The following ZNF578 variants were observed in gnomAD, a reference collection of about 807,000 sequenced individuals.
The protein encoded by ZNF578 is Putative chemokine-related protein B42.
In ZNF578, 8 loss-of-function variants were observed where a neutral mutation model predicts 8.3. The observed-to-expected ratio is 0.96, with a 90% confidence interval of 0.56 to 1.74. ZNF578 has a LOEUF of 1.74. Among genes scored for constraint, ZNF578 ranks in the 40% most tolerant of loss-of-function variants. The pLI is 0.00. For missense variants in ZNF578, 726 were observed against 707.5 expected (o/e 1.03, Z -0.30); for synonymous variants, 206 against 232.2 (o/e 0.89, Z 1.03).
intron 2 of ZNF578, among the ~76,000 whole-genome samples, chr19:52,486,087 A>G (rs1488939599): frequency 2.0e-5 from 3 of 152,218 alleles, no homozygotes; most frequent in East Asian, 1.9e-4. Context: ...TGTATGTTCT[A>G]TTCACTGAGA....
In ZNF578 at chr19:52,510,738, A is replaced by T; in HGVS notation, c.357A>T (p.Lys119Asn). The change falls in exon 6 of 6, where the codon AAA becomes AAT. Residue 119 changes from lysine to asparagine, a missense_variant. Coordinates refer to ENST00000421239, the MANE Select transcript of ZNF578 (RefSeq NM_001099694.2). ...ATGACTTTGAGTTTCAGTCACAAAA[A>T]GATGAAAGAAATGGCCATGAAGCAT... The part of the protein sequence containing the change: ...DIHDFEFQSQ[K>N]DERNGHEASM... 6.2e-7 allele frequency: 1 copy of T among 1,612,812 alleles called. No individual in the cohort carries two copies. Among genetic ancestry groups the T allele is most frequent in the East Asian group, 2.2e-5 (1 of 44,878 alleles).
At chr19:52,483,690 C>T (rs974641997) in intron 2 of ZNF578, among the ~76,000 whole-genome samples, 1 of 152,126 alleles carries the variant, frequency 6.6e-6, no homozygotes, top group Admixed American at 6.5e-5. Flanking sequence ...TTATATTTTA[C>T]GCACAGTTAA....
intron 3 of ZNF578, among the ~76,000 whole-genome samples, chr19:52,496,324 T>TATTTATTTATTTATTTATTTATTTA (rs1301134040): frequency 2.4e-4 from 29 of 123,310 alleles, no homozygotes; most frequent in Non-Finnish European, 4.6e-4. Context: ...CCTCATTTGT[T>TATTTATTTATTTATTTATTTATTTA]GTTATTTATT....
At chr19:52,487,690 C>G (rs1374361861) in intron 2 of ZNF578, among the ~76,000 whole-genome samples, 1 of 148,960 alleles carries the variant, frequency 6.7e-6, no homozygotes, top group Non-Finnish European at 1.5e-5. Context: ...GAGTGCAGTG[C>G]GTGATCTCCT....
At position 52,514,037 on chromosome 19, in the gene ZNF578, GA is replaced by G. The variant is rs952433624; in HGVS notation, c.*1890del. 6.5e-5 allele frequency among the ~76,000 whole-genome samples: 9 copies of G among 139,034 alleles called. No homozygotes were observed. The highest frequency in any genetic ancestry group is 9.5e-5 in the Non-Finnish European group (6 of 63,016). The allele number at this position is 139,034 out of a possible 152,430, so 91.2% of individuals were successfully genotyped here. ...GAGTCTCCATCTCAAACAAACAAAT[GA>G]AAAAAACAGACATCAAAAATGCTTT... On this transcript the variant is annotated 3_prime_UTR_variant, in exon 6 of 6. Transcript: ENST00000421239.
rs532728975 is a variant in ZNF578 at position 52,512,173 on chromosome 19, A to G, written c.*19A>G. 156 of 1,613,932 alleles carry G rather than the reference A, an allele frequency of 9.7e-5. No individual in the cohort carries two copies. The highest frequency in any genetic ancestry group is 1.3e-4 in the Non-Finnish European group (150 of 1,179,952). On this transcript the variant is annotated 3_prime_UTR_variant, in exon 6 of 6. Transcript: ENST00000421239. ...ATCATAGACTTCATACTGGAGAGAA[A>G]CCTTACAAATGTGAAGCATGTGACA...
chr19:52,473,973 C>G (rs771202327), intron 2 of ZNF578: 1 of 376,546 alleles, frequency 2.7e-6, no homozygotes, highest in Non-Finnish European at 5.3e-6. Context: ...TTACCACATT[C>G]ATTACTTTTG....
intron 2 of ZNF578, among the ~76,000 whole-genome samples, chr19:52,488,875 G>A (rs2059355288): frequency 6.6e-6 from 1 of 152,088 alleles, no homozygotes; most frequent in African/African-American, 2.4e-5. Context: ...GCAAATCACT[G>A]AAGGTCATGA....
Position 52,500,408 on chromosome 19 carries a change from CT to C in ZNF578, c.-19-1403del, listed in dbSNP as rs71180471. On this transcript the variant is annotated intron_variant, in intron 3 of 5. Transcript: ENST00000421239. ...AAATGGTTGCAATCTTTTGAGTTTC[CT>C]TTTTTTTTTTTTTTTGAGATGAAGT... Among the ~76,000 whole-genome samples, 308 of 138,832 alleles carry C rather than the reference CT, an allele frequency of 2.2e-3. 2 individuals carry two copies. In the East Asian group the frequency reaches 0.027, roughly 12 times the overall value. 91.1% of individuals were successfully genotyped at this position (138,832 alleles called of 152,430 possible). A position where few individuals can be genotyped will look rare whatever the true frequency, so the allele number is the denominator to read the frequency against.
chr19:52,485,785 C>A (rs1010556678), intron 2 of ZNF578, among the ~76,000 whole-genome samples: 4 of 152,064 alleles, frequency 2.6e-5, no homozygotes, highest in Non-Finnish European at 5.9e-5. Flanking sequence ...TGTTAAAAGT[C>A]ATCACCACTC....
At chr19:52,488,732 C>T (rs1387121430) in intron 2 of ZNF578, among the ~76,000 whole-genome samples, 2 of 151,194 alleles carry the variant, frequency 1.3e-5, no homozygotes, top group African/African-American at 2.4e-5. Flanking sequence ...TGCAGTGAGC[C>T]GAGATTGCGT....
At chr19:52,460,314 C>CTTTTT (rs35382657) in intron 2 of ZNF578, among the ~76,000 whole-genome samples, 4 of 145,904 alleles carry the variant, frequency 2.7e-5, no homozygotes, top group Non-Finnish European at 3.0e-5. Context: ...CTCTCCAACA[C>CTTTTT]TTTTTTTTTT....
intron 2 of ZNF578, among the ~76,000 whole-genome samples, chr19:52,488,686 AG>A (rs1461642402): frequency 6.6e-6 from 1 of 152,010 alleles, no homozygotes; most frequent in Non-Finnish European, 1.5e-5. Flanking sequence ...CGGGAGGCTG[AG>A]GCAGGAAAAT....
chr19:52,499,235 G>A lies in ZNF578; in HGVS notation c.-19-2592G>A, dbSNP rs564898246. Among the ~76,000 whole-genome samples the A allele has an allele frequency of 1.2e-4, 19 of 152,276 alleles. No homozygotes were observed. The East Asian group carries it at 3.7e-3, about 29-fold the overall frequency. ...AATACAGTGTGTGACTTTTCTTCTG[G>A]GAGAGGATAATGGTCATTTTTAACT... On this transcript the variant is annotated intron_variant, in intron 3 of 5. Transcript: ENST00000421239.
At chr19:52,462,607 G>A (rs1489355432) in intron 2 of ZNF578, among the ~76,000 whole-genome samples, 2 of 152,182 alleles carry the variant, frequency 1.3e-5, no homozygotes, top group Non-Finnish European at 2.9e-5. Context: ...AGTGGTTTTT[G>A]TTGTGCCTTC....
intron 2 of ZNF578, among the ~76,000 whole-genome samples, chr19:52,468,473 T>C (rs2059282193): frequency 6.6e-6 from 1 of 152,232 alleles, no homozygotes; most frequent in African/African-American, 2.4e-5. Flanking sequence ...AAGTCTCTCC[T>C]AACCAAGTCT....
chr19:52,502,734 CT>C (rs1194758393), intron 4 of ZNF578, among the ~76,000 whole-genome samples: 1 of 152,068 alleles, frequency 6.6e-6, no homozygotes, highest in African/African-American at 2.4e-5. Flanking sequence ...AAGACTCTGT[CT>C]CAAAAGAAAA....
intron 5 of ZNF578, among the ~76,000 whole-genome samples, chr19:52,508,873 C>T (rs571938524): frequency 1.4e-5 from 2 of 143,170 alleles, no homozygotes; most frequent in Non-Finnish European, 3.0e-5. Context: ...CATAATTGCA[C>T]TTTTCTACAC....
At chr19:52,499,963 G>T (rs1383020864) in intron 3 of ZNF578, among the ~76,000 whole-genome samples, 2 of 152,018 alleles carry the variant, frequency 1.3e-5, no homozygotes, top group Non-Finnish European at 2.9e-5. Context: ...CCAGCCCCAC[G>T]GGCCGCTTTC....
Sources: gnomAD v4.1 joint callset for allele counts (sites outside exome capture counted in the v4.1 genomes callset) on GRCh38, gnomAD v4.1.1 for gene constraint, MANE v1.5 for transcripts, NCBI Gene and HGNC (gene_info 2026-07-23, HGNC 2026-07-21) for gene names.